The following RAB27B variants were observed in gnomAD, a reference collection of about 807,000 sequenced individuals.
RAB27B encodes the protein ras-related protein Rab-27B.
A neutral mutation model predicts 24.6 loss-of-function variants in RAB27B; 15 were observed. The observed-to-expected ratio is 0.61, with a 90% CI of 0.41 to 0.94. The LOEUF (loss-of-function observed/expected upper bound fraction) is 0.94. Among genes scored for constraint, RAB27B ranks in the 40% least tolerant of loss-of-function variants. RAB27B has a pLI of 0.00. For synonymous variants in RAB27B, 105 were observed against 92.5 expected, an observed-to-expected ratio of 1.14 and a Z score of -0.78; for missense variants, 261 against 266.8, an observed-to-expected ratio of 0.98 and a Z score of 0.15.
intron 2 of RAB27B, among the ~76,000 whole-genome samples, chr18:54,786,290 C>A (rs1568065354): frequency 6.6e-6 from 1 of 152,294 alleles, no homozygotes; most frequent in Middle Eastern, 3.4e-3. Context: ...CAGTCACATG[C>A]CTTTGACAAC....
At chr18:54,828,440 C>G (rs1910549697), upstream of RAB27B, 1 of 152,346 alleles carries the variant, frequency 6.6e-6, no homozygotes, top group South Asian at 2.1e-4. Flanking sequence ...GCCCCGCCGC[C>G]GCGGCGGACT....
chr18:54,852,446 T>G (rs1414362914), intron 1 of RAB27B, among the ~76,000 whole-genome samples: 1 of 152,206 alleles, frequency 6.6e-6, no homozygotes, highest in Non-Finnish European at 1.5e-5. Context: ...ATTCAGAAAC[T>G]CCTATTTTTA....
chr18:54,838,188 C>T (rs1262801312), intron 1 of RAB27B, among the ~76,000 whole-genome samples: 1 of 152,088 alleles, frequency 6.6e-6, no homozygotes, highest in East Asian at 1.9e-4. Context: ...CAAAGCATAA[C>T]AAAATGTATC....
At chr18:54,745,785 T>C (rs1328997880) in intron 2 of RAB27B, among the ~76,000 whole-genome samples, 1 of 146,792 alleles carries the variant, frequency 6.8e-6, no homozygotes. Context: ...TATAAATATT[T>C]ATTATTTATA....
At chr18:54,865,306 G>A (rs925714085) in intron 1 of RAB27B, among the ~76,000 whole-genome samples, 5 of 145,744 alleles carry the variant, frequency 3.4e-5, no homozygotes, top group Non-Finnish European at 7.5e-5. Flanking sequence ...AATTTGCTTT[G>A]TTTGATAAAA....
chr18:54,797,674 A>G (rs1315472225), intron 2 of RAB27B, among the ~76,000 whole-genome samples: 1 of 152,144 alleles, frequency 6.6e-6, no homozygotes, highest in Admixed American at 6.5e-5. Flanking sequence ...CTAATGAGCA[A>G]ATATTAAAGG....
At chr18:54,841,161 G>GGGGGGA in intron 1 of RAB27B, among the ~76,000 whole-genome samples, 1 of 124,870 alleles carries the variant, frequency 8.0e-6, no homozygotes, top group East Asian at 3.1e-4. Flanking sequence ...TGGCGGGGCG[G>GGGGGGA]TGGGGGGTTT....
intron 1 of RAB27B, among the ~76,000 whole-genome samples, chr18:54,854,182 A>G (rs1309567746): frequency 6.6e-6 from 1 of 152,198 alleles, no homozygotes; most frequent in African/African-American, 2.4e-5. Context: ...AGACCAGTTA[A>G]AATACAGATA....
chr18:54,852,343 A>C (rs1433456409), intron 1 of RAB27B, among the ~76,000 whole-genome samples: 2 of 152,162 alleles, frequency 1.3e-5, no homozygotes, highest in African/African-American at 4.8e-5. Flanking sequence ...TATTGAGAGG[A>C]GCTAGGATTC....
intron 1 of RAB27B, among the ~76,000 whole-genome samples, chr18:54,855,352 A>G (rs915900301): frequency 7.9e-5 from 12 of 152,204 alleles, no homozygotes; most frequent in Admixed American, 1.3e-4. Flanking sequence ...GGACCATGCC[A>G]AGGGTCCATG....
chr18:54,780,017 T>C (rs199839735), intron 2 of RAB27B, among the ~76,000 whole-genome samples: 1,801 of 27,900 alleles, frequency 0.065, no homozygotes, highest in Non-Finnish European at 0.08. Flanking sequence ...CGTGTCTCCC[T>C]TCTCCTGACT....
chr18:54,767,344 A>C (rs1385599447), intron 2 of RAB27B, among the ~76,000 whole-genome samples: 1 of 152,100 alleles, frequency 6.6e-6, no homozygotes, highest in Non-Finnish European at 1.5e-5. Flanking sequence ...ATTTTTCTGG[A>C]GTTATACAGC....
chr18:54,887,823 C>T (rs570651924), intron 4 of RAB27B, among the ~76,000 whole-genome samples, 172 bp from the exon 5 acceptor site: 70 of 152,164 alleles, frequency 4.6e-4, no homozygotes, highest in African/African-American at 1.6e-3. Flanking sequence ...GTGTTATCTC[C>T]GTTTTACAGA....
chr18:54,876,159 G>A (rs1162928956), intron 1 of RAB27B, among the ~76,000 whole-genome samples: 1 of 152,086 alleles, frequency 6.6e-6, no homozygotes, highest in South Asian at 2.1e-4. Flanking sequence ...AGGGGGAAGA[G>A]CCCCTTATAA....
At chr18:54,866,822 G>T (rs1912247721) in intron 1 of RAB27B, among the ~76,000 whole-genome samples, 1 of 152,168 alleles carries the variant, frequency 6.6e-6, no homozygotes, top group African/African-American at 2.4e-5. Flanking sequence ...AACCCGATGT[G>T]GGGCAGCTCC....
rs1021779099 is a variant in RAB27B, at chr18:54,859,061, A to AT, written c.-19-18500dup. Among the ~76,000 whole-genome samples the AT allele has an allele frequency of 5.1e-4, 78 of 152,146 alleles. 1 individual carries two copies. Among genetic ancestry groups the AT allele is most frequent in the African/African-American group, 1.9e-3 (77 of 41,498 alleles). On this transcript the variant is annotated intron_variant, in intron 1 of 5. Transcript: ENST00000262094. ...GTCACTTTTTAATGGAAATTGCCAT[A>AT]TTTTTTCCTGGCCAGGAGTAGGCTT... is the stretch of plus-strand genomic sequence containing the variant.
At chr18:54,796,327 T>C (rs1909417027) in intron 2 of RAB27B, among the ~76,000 whole-genome samples, 1 of 152,234 alleles carries the variant, frequency 6.6e-6, no homozygotes, top group African/African-American at 2.4e-5. Context: ...CAGCTTGTGC[T>C]GATCAGCTCG....
chr18:54,855,877 C>T (rs1435192480), intron 1 of RAB27B, among the ~76,000 whole-genome samples: 1 of 152,196 alleles, frequency 6.6e-6, no homozygotes, highest in African/African-American at 2.4e-5. Context: ...AATATGTACA[C>T]CCTGAAGTTC....
chr18:54,799,003 C>T (rs1453676230), intron 2 of RAB27B, among the ~76,000 whole-genome samples: 1 of 152,088 alleles, frequency 6.6e-6, no homozygotes, highest in Non-Finnish European at 1.5e-5. Flanking sequence ...TAAGGACTGT[C>T]TTTTATTCAA....
Sources: allele counts gnomAD v4.1 joint callset (sites outside exome capture counted in the v4.1 genomes callset), GRCh38; gene constraint gnomAD v4.1.1; transcripts MANE v1.5; gene names NCBI Gene and HGNC (gene_info 2026-07-23, HGNC 2026-07-21).